Variants in ARHGEF7 observed in about 807,000 individuals in gnomAD.
The protein encoded by ARHGEF7 is PAK-interacting exchange factor beta.
In ARHGEF7, 33 loss-of-function variants were observed where a neutral mutation model predicts 109.8. The observed-to-expected ratio is 0.30, with a 90% CI of 0.23 to 0.40. The LOEUF (loss-of-function observed/expected upper bound fraction) is 0.40. ARHGEF7 is among the 10% of genes least tolerant of loss of function. ARHGEF7 has a pLI of 1.00. For missense variants in ARHGEF7, 938 were observed against 1,098.5 expected (o/e 0.85, Z 2.07); for synonymous variants, 458 against 424.6 (o/e 1.08, Z -0.97).
At chr13:111,161,710 C>T (rs2076756234) in intron 2 of ARHGEF7, among the ~76,000 whole-genome samples, 1 of 151,756 alleles carries the variant, frequency 6.6e-6, no homozygotes, top group Admixed American at 6.6e-5. Context: ...TTTAGAGATA[C>T]CAGTGTTAAA....
chr13:111,221,518 T>TATCTATATATATCTATATATATAGATAC (rs1566875925), intron 5 of ARHGEF7, among the ~76,000 whole-genome samples: 6 of 56,046 alleles, frequency 1.1e-4, no homozygotes, highest in East Asian at 6.6e-4. Context: ...TATATAGATA[T>TATCTATATATATCTATATATATAGATAC]ATATCTATAT....
chr13:111,196,379 C>A (rs192647676), intron 2 of ARHGEF7, among the ~76,000 whole-genome samples: 1 of 152,194 alleles, frequency 6.6e-6, no homozygotes, highest in African/African-American at 2.4e-5. Context: ...ACCAAACTCT[C>A]GGGCTGCAGC....
At position 111,115,660 on chromosome 13, in the gene ARHGEF7, T is replaced by C; in HGVS notation, c.134T>C (p.Leu45Pro). The change falls in exon 1 of 22, where the codon CTG (leucine) becomes CCG (proline). Residue 45 changes from leucine (L) to proline (P), a missense_variant. Leu to Pro is a moderately conservative substitution (Grantham distance 98, BLOSUM62 -3). Around this residue, in one of 4 missense-constraint regions of ARHGEF7, gnomAD observed 165 missense variants for 125.8 expected, o/e 1.31. Coordinates refer to ENST00000646102, the MANE Select transcript of ARHGEF7 (RefSeq NM_001354046.2). ...LKDGVVLCRL[L>P]ERLLPGTIEK... ...GATGGGGTGGTCCTCTGCAGGCTGC[T>C]GGAGCGCCTGCTCCCCGGGACCATC... 7.6e-7 allele frequency: 1 copy of C among 1,321,176 alleles called. No homozygotes were observed. The allele number at this position is 1,321,176 out of a possible 1,614,324, so 81.8% of individuals were successfully genotyped here. A position where few individuals can be genotyped will look rare whatever the true frequency, so the allele number is the denominator to read the frequency against.
chr13:111,142,765 C>T (rs907489654), intron 1 of ARHGEF7, among the ~76,000 whole-genome samples: 1 of 152,224 alleles, frequency 6.6e-6, no homozygotes, highest in African/African-American at 2.4e-5. Context: ...GAATGGCTCC[C>T]TCCTGCTTCA....
intron 2 of ARHGEF7, among the ~76,000 whole-genome samples, chr13:111,157,928 A>G (rs1399660918): frequency 9.2e-5 from 14 of 152,236 alleles, no homozygotes; most frequent in African/African-American, 3.1e-4. Flanking sequence ...TGGCAAAAGC[A>G]GATTTTATGT....
chr13:111,204,055 T>TG (rs767150847), intron 2 of ARHGEF7, among the ~76,000 whole-genome samples: 2 of 152,040 alleles, frequency 1.3e-5, no homozygotes, highest in Non-Finnish European at 2.9e-5. Flanking sequence ...ACACGTGTTC[T>TG]GGGGGAGCCT....
intron 1 of ARHGEF7, among the ~76,000 whole-genome samples, chr13:111,142,632 C>T (rs1199206727): frequency 6.6e-6 from 1 of 152,234 alleles, no homozygotes; most frequent in Non-Finnish European, 1.5e-5. Context: ...TTCCTGCCCT[C>T]TCTTCCTATC....
chr13:111,132,235 A>T (rs1490887643), intron 1 of ARHGEF7, among the ~76,000 whole-genome samples: 1 of 152,076 alleles, frequency 6.6e-6, no homozygotes, highest in Non-Finnish European at 1.5e-5. Flanking sequence ...TTCCTGATGG[A>T]TGCATCTGGT....
At position 111,228,317 on chromosome 13, in the gene ARHGEF7, AT is replaced by A. The variant is rs572927756; in HGVS notation, c.671-4886del. Among the ~76,000 whole-genome samples the A allele has an allele frequency of 3.2e-3, 493 of 152,364 alleles. 1 individual carries two copies. Among genetic ancestry groups the A allele is most frequent in the South Asian group, 0.011 (54 of 4,826 alleles). On this transcript the variant is annotated intron_variant, in intron 5 of 21. Coordinates refer to ENST00000646102, the MANE Select transcript of ARHGEF7 (RefSeq NM_001354046.2). The surrounding 1 kb of genome is among the most constrained non-coding windows in gnomAD (Gnocchi z 4.6). Reference sequence around the variant, plus strand: ...ACTAGGCATTAGATACTATTTAAAAATTATTAATATCGTCAGGTGTGATAAT... The same window carrying A: ...ACTAGGCATTAGATACTATTTAAAAATATTAATATCGTCAGGTGTGATAAT...
chr13:111,197,548 C>A (rs1198304463), intron 2 of ARHGEF7, among the ~76,000 whole-genome samples: 1 of 152,134 alleles, frequency 6.6e-6, no homozygotes, highest in Non-Finnish European at 1.5e-5. Flanking sequence ...TGTTATGCCC[C>A]CAAAATGAAG....
intron 18 of ARHGEF7, among the ~76,000 whole-genome samples, chr13:111,291,215 G>T (rs776084460): frequency 6.6e-6 from 1 of 152,268 alleles, no homozygotes; most frequent in Admixed American, 6.5e-5. Flanking sequence ...GGGAGACCCT[G>T]GCGGCCCAGC....
At chr13:111,119,433 C>A (rs1180146095) in intron 1 of ARHGEF7, among the ~76,000 whole-genome samples, 1 of 152,102 alleles carries the variant, frequency 6.6e-6, no homozygotes, top group African/African-American at 2.4e-5. Flanking sequence ...GGGGAGATTG[C>A]AAAACCTAAA....
Position 111,273,417 on chromosome 13 carries a change from C to T in ARHGEF7, c.1074-397C>T, listed in dbSNP as rs574775917. On this transcript the variant is annotated intron_variant, in intron 9 of 21. Transcript: ENST00000646102. The surrounding 1 kb of genome is among the most constrained non-coding windows in gnomAD (Gnocchi z 4.5). Reference sequence around the variant, plus strand: ...CCATCAGTGTGCTCTAGCTCTTTACCGGAGCAGCTCGGTCCTTGTTCTACC... The same window carrying T: ...CCATCAGTGTGCTCTAGCTCTTTACTGGAGCAGCTCGGTCCTTGTTCTACC... Among the ~76,000 whole-genome samples, 3 of 152,318 alleles carry T rather than the reference C, an allele frequency of 2.0e-5. No homozygotes were observed. The highest frequency in any genetic ancestry group is 7.2e-5 in the African/African-American group (3 of 41,572).
rs138456165 is a variant in ARHGEF7 at position 111,180,170 on chromosome 13, C to T, written c.253-25119C>T. Among the ~76,000 whole-genome samples, 303 of 152,254 alleles carry T rather than the reference C, an allele frequency of 2.0e-3. 2 individuals are homozygous for T. The highest frequency in any genetic ancestry group is 6.7e-3 in the African/African-American group (277 of 41,542). On this transcript the variant is annotated intron_variant, in intron 2 of 21. Coordinates refer to ENST00000646102, the MANE Select transcript of ARHGEF7 (RefSeq NM_001354046.2). ...GAGGGTGGTGGTGGGCATCTAAGCC[C>T]GCAAGTTGTGGGATGTGGGAGAGGA...
rs566483138 is a variant in ARHGEF7, at chr13:111,273,666, G to C, written c.1074-148G>C. On this transcript the variant is annotated intron_variant, in intron 9 of 21. Transcript: ENST00000646102. The surrounding 1 kb of genome is among the most constrained non-coding windows in gnomAD (Gnocchi z 4.5). Reference sequence around the variant, plus strand: ...CCTTTGGCATTTCCAGATAAGCAGCGCAGATTTGGGATAAAAGCTGGAGCC... The same window carrying C: ...CCTTTGGCATTTCCAGATAAGCAGCCCAGATTTGGGATAAAAGCTGGAGCC... 2.1e-5 allele frequency: 23 copies of C among 1,090,172 alleles called. No homozygotes were observed. The highest frequency in any genetic ancestry group is 4.7e-5 in the Admixed American group (2 of 42,858). The allele number at this position is 1,090,172 out of a possible 1,614,324, so 67.5% of individuals were successfully genotyped here.
chr13:111,267,260 C>T (rs2091730133), intron 8 of ARHGEF7, among the ~76,000 whole-genome samples: 2 of 152,208 alleles, frequency 1.3e-5, no homozygotes, highest in Admixed American at 6.5e-5. Context: ...GGCTCTGTGA[C>T]ATCTGTTTTT....
chr13:111,298,096 C>T (rs2093466602), intron 19 of ARHGEF7, among the ~76,000 whole-genome samples: 1 of 152,170 alleles, frequency 6.6e-6, no homozygotes. Flanking sequence ...CTAAAATGTG[C>T]GATGTTATCA....
At chr13:111,270,637 C>T (rs2092067240) in intron 9 of ARHGEF7, among the ~76,000 whole-genome samples, 1 of 152,040 alleles carries the variant, frequency 6.6e-6, no homozygotes, top group African/African-American at 2.4e-5. Context: ...TTTTTCTCTG[C>T]TGTACCGTAG....
chr13:111,219,949 C>G (rs770443572), intron 5 of ARHGEF7, among the ~76,000 whole-genome samples: 2 of 152,128 alleles, frequency 1.3e-5, no homozygotes, highest in East Asian at 3.9e-4. Context: ...ACTGAGAGCG[C>G]GGCACTGGCA....
Sources: gnomAD v4.1 joint callset for allele counts (sites outside exome capture counted in the v4.1 genomes callset) on GRCh38, gnomAD v4.1.1 for gene constraint, gnomAD v4.1.1 regional missense constraint, Gnocchi (gnomAD v3.1) non-coding constraint, MANE v1.5 for transcripts, NCBI Gene and HGNC (gene_info 2026-07-23, HGNC 2026-07-21) for gene names.